Variants in CALN1 observed in about 807,000 individuals in gnomAD.
CALN1 encodes the protein calneuron 1, also known as calcium-binding protein 8.
In CALN1, 17 loss-of-function variants were observed where a neutral mutation model predicts 30.6. The ratio of observed to expected loss-of-function variants is 0.56; its 90% CI spans 0.38 to 0.83. The LOEUF is 0.83. Among genes scored for constraint, CALN1 ranks in the 40% least tolerant of loss-of-function variants. CALN1 has a pLI of 0.00. For missense variants in CALN1, 291 were observed against 354.9 expected (o/e 0.82, Z 1.45); for synonymous variants, 156 against 131.4 (o/e 1.19, Z -1.28).
At chr7:71,963,375 A>C (rs1281094453) in intron 5 of CALN1, among the ~76,000 whole-genome samples, 3 of 151,870 alleles carry the variant, frequency 2.0e-5, no homozygotes, top group Admixed American at 6.6e-5. Context: ...GTTGGCCAGG[A>C]TGGTCTTGAT....
chr7:72,487,934 GAAGGAAGGAAGGAAGGAAGGA>G, the CALN1 span, among the ~76,000 whole-genome samples: 739 of 79,644 alleles, frequency 9.3e-3, 17 homozygotes, highest in African/African-American at 0.028. Flanking sequence ...AGGAAGGAAG[GAAGGAAGGAAGGAAGGAAGGA>G]AAGGAAGGAA....
the CALN1 span, among the ~76,000 whole-genome samples, chr7:72,483,312 G>C: frequency 7.2e-6 from 1 of 137,966 alleles, no homozygotes; most frequent in Non-Finnish European, 1.5e-5. Flanking sequence ...TGAGACAAAG[G>C]CTTGCTCTGT....
In CALN1 at chr7:72,278,020, A is replaced by C. The variant is rs912226222; in HGVS notation, c.244+666T>G. Reference sequence around the variant, plus strand: ...TAATCCTCTATTCCGGGGGGGGGGGACTTGTTTTTCCTATTTTTAATTAGA... The same window carrying C: ...TAATCCTCTATTCCGGGGGGGGGGGCCTTGTTTTTCCTATTTTTAATTAGA... On this transcript the variant is annotated intron_variant, in intron 3 of 6. Coordinates refer to ENST00000395275, the MANE Select transcript of CALN1 (RefSeq NM_031468.4). 3.7e-3 allele frequency among the ~76,000 whole-genome samples: 278 copies of C among 74,656 alleles called. 2 individuals are homozygous for C. Among genetic ancestry groups the C allele is most frequent in the Non-Finnish European group, 5.0e-3 (166 of 33,110 alleles). The allele number at this position is 74,656 out of a possible 152,430, so 49.0% of individuals were successfully genotyped here. A position where few individuals can be genotyped will look rare whatever the true frequency, so the allele number is the denominator to read the frequency against.
Position 72,238,595 on chromosome 7 carries a change from G to A in CALN1, c.244+40091C>T, listed in dbSNP as rs529072274. On this transcript the variant is annotated intron_variant, in intron 3 of 6. Transcript: ENST00000395275. ...TGTCATGGGAGGGACCCAGTGGGAGGTAATTGAATCACAGGGAGGGTTAGC... is the reference window on the plus strand; with the variant it reads ...TGTCATGGGAGGGACCCAGTGGGAGATAATTGAATCACAGGGAGGGTTAGC... 6.5e-5 allele frequency among the ~76,000 whole-genome samples: 8 copies of A among 123,082 alleles called. No homozygotes were observed. The South Asian group carries it at 2.6e-3, about 39-fold the overall frequency. 80.7% of individuals were successfully genotyped at this position (123,082 alleles called of 152,430 possible). A position where few individuals can be genotyped will look rare whatever the true frequency, so the allele number is the denominator to read the frequency against.
chr7:72,501,951 A>ACACC, the CALN1 span, among the ~76,000 whole-genome samples: 1 of 92,180 alleles, frequency 1.1e-5, no homozygotes, highest in Non-Finnish European at 2.2e-5. Flanking sequence ...ATATATATAC[A>ACACC]CACATATATA....
At chr7:71,841,296 A>G (rs1460039855) in intron 5 of CALN1, among the ~76,000 whole-genome samples, 1 of 152,218 alleles carries the variant, frequency 6.6e-6, no homozygotes, top group African/African-American at 2.4e-5. Context: ...CTGGGACTGT[A>G]AGACCCTCAG....
At chr7:71,818,773 G>A (rs1474793485) in intron 5 of CALN1, among the ~76,000 whole-genome samples, 3 of 151,276 alleles carry the variant, frequency 2.0e-5, no homozygotes, top group South Asian at 2.1e-4. Flanking sequence ...GCAGTGGTGC[G>A]GTCTCAGCTC....
At chr7:72,054,423 A>ATC (rs1803058158) in intron 4 of CALN1, among the ~76,000 whole-genome samples, 1 of 89,538 alleles carries the variant, frequency 1.1e-5, no homozygotes, top group Admixed American at 1.4e-4. Flanking sequence ...ATATACGTGT[A>ATC]TATATACACG....
At chr7:72,254,038 G>A (rs1795745224) in intron 3 of CALN1, among the ~76,000 whole-genome samples, 1 of 152,098 alleles carries the variant, frequency 6.6e-6, no homozygotes, top group Non-Finnish European at 1.5e-5. Flanking sequence ...ACTGTGCCCA[G>A]CCTCATATCC....
chr7:72,235,011 G>A (rs756632387), intron 3 of CALN1, among the ~76,000 whole-genome samples: 9 of 152,152 alleles, frequency 5.9e-5, no homozygotes, highest in Non-Finnish European at 1.2e-4. Flanking sequence ...GCTCATGCCT[G>A]TAATCCTACC....
At chr7:72,409,773 C>T (rs767131455) in intron 1 of CALN1, among the ~76,000 whole-genome samples, 5 of 152,074 alleles carry the variant, frequency 3.3e-5, no homozygotes, top group Admixed American at 6.5e-5. Context: ...GGTTCCCAGG[C>T]TGTTACTCGA....
rs540038184 is a variant in CALN1 at position 72,063,518 on chromosome 7, C to T, written c.389-39749G>A. On this transcript the variant is annotated intron_variant, in intron 4 of 6. Coordinates refer to ENST00000395275, the MANE Select transcript of CALN1 (RefSeq NM_031468.4). ...GCAGAGTTGCTGAGCTAGATAGAGG[C>T]CTGGCATCTTGAGTGGCTGCATTCA... 4.8e-3 allele frequency among the ~76,000 whole-genome samples: 724 copies of T among 152,244 alleles called. 3 individuals carry two copies. Among genetic ancestry groups the T allele is most frequent in the African/African-American group, 0.017 (687 of 41,536 alleles).
At chr7:72,054,650 T>C (rs1041419728) in intron 4 of CALN1, among the ~76,000 whole-genome samples, 1 of 151,258 alleles carries the variant, frequency 6.6e-6, no homozygotes, top group African/African-American at 2.4e-5. Flanking sequence ...CTTAGCAAAC[T>C]AATGCAGGAA....
chr7:72,285,337 G>A (rs928893987), intron 2 of CALN1, among the ~76,000 whole-genome samples: 16 of 152,054 alleles, frequency 1.1e-4, no homozygotes, highest in South Asian at 4.2e-4. Flanking sequence ...TCCGCCTCCC[G>A]GGTTCATGCC....
intron 5 of CALN1, among the ~76,000 whole-genome samples, chr7:71,991,275 G>A (rs1006084125): frequency 7.9e-5 from 12 of 152,042 alleles, no homozygotes; most frequent in Non-Finnish European, 1.2e-4. Flanking sequence ...CTTGGCCAAC[G>A]TGGTGAAACC....
intron 5 of CALN1, among the ~76,000 whole-genome samples, chr7:71,893,189 A>T (rs974810506): frequency 6.6e-6 from 1 of 152,114 alleles, no homozygotes; most frequent in Non-Finnish European, 1.5e-5. Context: ...ATGTCTAGAG[A>T]TATTTTTGGT....
chr7:71,861,794 A>AT (rs1186116745), intron 5 of CALN1, among the ~76,000 whole-genome samples: 8 of 150,924 alleles, frequency 5.3e-5, no homozygotes, highest in African/African-American at 2.0e-4. Flanking sequence ...AAAAAAAAAA[A>AT]AAAAAAGAGA....
intron 5 of CALN1, among the ~76,000 whole-genome samples, chr7:71,960,866 G>A (rs1361001241): frequency 2.0e-5 from 3 of 152,224 alleles, no homozygotes; most frequent in African/African-American, 7.2e-5. Context: ...TGCCCAGGTG[G>A]AGTGCAGTGG....
chr7:72,186,526 C>T (rs970067781), intron 3 of CALN1, among the ~76,000 whole-genome samples: 2 of 152,164 alleles, frequency 1.3e-5, no homozygotes, highest in Non-Finnish European at 2.9e-5. Context: ...CTTACACAAG[C>T]AGTGAACACA....
Sources: allele counts gnomAD v4.1 joint callset (sites outside exome capture counted in the v4.1 genomes callset), GRCh38; gene constraint gnomAD v4.1.1; transcripts MANE v1.5; gene names NCBI Gene and HGNC (gene_info 2026-07-23, HGNC 2026-07-21).